Variants in PIEZO2 observed in about 807,000 individuals in gnomAD.
PIEZO2 encodes piezo type mechanosensitive ion channel component 2.
A neutral mutation model predicts 337.3 loss-of-function variants in PIEZO2; 172 were observed. The ratio of observed to expected loss-of-function variants is 0.51; its 90% confidence interval spans 0.45 to 0.58. The LOEUF (loss-of-function observed/expected upper bound fraction) is 0.58, where lower values mean the gene tolerates loss of function less well. Among genes scored for constraint, PIEZO2 ranks in the 20% least tolerant of loss-of-function variants. PIEZO2 has a pLI of 0.00. For missense variants in PIEZO2, 3,028 were observed against 3,391.3 expected, an observed-to-expected ratio of 0.89 and a Z score of 2.66; for synonymous variants, 1,251 against 1,228.5, an observed-to-expected ratio of 1.02 and a Z score of -0.38.
chr18:10,711,760 T>A (rs533491174), intron 39 of PIEZO2, among the ~76,000 whole-genome samples: 21 of 152,352 alleles, frequency 1.4e-4, no homozygotes, highest in Middle Eastern at 3.4e-3. Flanking sequence ...ATACTACGCA[T>A]GTACGTGATC....
chr18:10,878,342 A>G lies in PIEZO2; in HGVS notation c.330-6927T>C, dbSNP rs1366366735. ...GTGCAAAGCACTGTTGAAGAATTAG[A>G]TGAGACACCTACCATAAAGAGCTCT... On this transcript the variant is annotated intron_variant, in intron 4 of 55. Transcript: ENST00000674853. The surrounding 1 kb of genome is among the most constrained non-coding windows in gnomAD (Gnocchi z 4.3). Among the ~76,000 whole-genome samples the G allele has an allele frequency of 6.6e-6, 1 of 152,234 alleles. No homozygotes were observed. Among genetic ancestry groups the G allele is most frequent in the Non-Finnish European group, 1.5e-5 (1 of 68,042 alleles).
chr18:10,719,117 T>C (rs1265881060), intron 36 of PIEZO2, among the ~76,000 whole-genome samples: 1 of 152,152 alleles, frequency 6.6e-6, no homozygotes, highest in Non-Finnish European at 1.5e-5. Context: ...TATTTAAGGC[T>C]AAAAAGGTCA....
At chr18:10,702,500 C>T (rs969443493) in intron 42 of PIEZO2, among the ~76,000 whole-genome samples, 7 of 152,168 alleles carry the variant, frequency 4.6e-5, no homozygotes, top group South Asian at 2.1e-4. Flanking sequence ...GATATAATTA[C>T]GCAGCTATTA....
At position 10,945,204 on chromosome 18, in the gene PIEZO2, A is replaced by G. The variant is rs924105577; in HGVS notation, c.287-33976T>C. ...TTTTAGGTGTTATTTTTTAGAGACA[A>G]GATGTCTCTCTGTCACTCAGGCTGG... On this transcript the variant is annotated intron_variant, in intron 3 of 55. Transcript: ENST00000674853. This position sits in a 1 kb window ranked among gnomAD's most constrained non-coding sequence, Gnocchi z 4.0. 6.6e-6 allele frequency among the ~76,000 whole-genome samples: 1 copy of G among 152,164 alleles called. No individual in the cohort carries two copies. Among genetic ancestry groups the G allele is most frequent in the African/African-American group, 2.4e-5 (1 of 41,424 alleles).
Position 10,878,170 on chromosome 18 carries a change from T to G in PIEZO2, c.330-6755A>C, listed in dbSNP as rs2042318281. Among the ~76,000 whole-genome samples the G allele has an allele frequency of 6.6e-6, 1 of 152,246 alleles. No individual in the cohort carries two copies. The highest frequency in any genetic ancestry group is 1.5e-5 in the Non-Finnish European group (1 of 68,040). ...TTACCAATCTGCCTAACAGAAGCCC[T>G]TGCCTGTTTCATCTGTTTCCCTGGG... On this transcript the variant is annotated intron_variant, in intron 4 of 55. Coordinates refer to ENST00000674853, the MANE Select transcript of PIEZO2 (RefSeq NM_001378183.1). This position sits in a 1 kb window ranked among gnomAD's most constrained non-coding sequence, Gnocchi z 4.3.
At position 10,684,306 on chromosome 18, in the gene PIEZO2, C is replaced by T. The variant is rs1452685388; in HGVS notation, c.7498-2014G>A. ...TCAGCCTCCCAAGTAGCTGGGACTA[C>T]AGGTGCCCGCCACCATGCCTGGCTA... On this transcript the variant is annotated intron_variant, in intron 49 of 55. Transcript: ENST00000674853. Among the ~76,000 whole-genome samples, 5 of 135,568 alleles carry T rather than the reference C, an allele frequency of 3.7e-5. No homozygotes were observed. The East Asian group carries it at 8.7e-4, about 24-fold the overall frequency. The allele number at this position is 135,568 out of a possible 152,430, so 88.9% of individuals were successfully genotyped here. A position where few individuals can be genotyped will look rare whatever the true frequency, so the allele number is the denominator to read the frequency against.
chr18:10,998,531 A>C (rs940349174), intron 2 of PIEZO2, among the ~76,000 whole-genome samples: 32 of 152,164 alleles, frequency 2.1e-4, no homozygotes, highest in Non-Finnish European at 4.6e-4. Flanking sequence ...TTATATAAGA[A>C]ATATGAGTAT....
chr18:10,944,890 A>G (rs1018291780), intron 3 of PIEZO2, among the ~76,000 whole-genome samples: 1 of 152,058 alleles, frequency 6.6e-6, no homozygotes, highest in African/African-American at 2.4e-5. Flanking sequence ...AAGGGGGGAG[A>G]AAAAGAAGCA....
At chr18:10,692,348 T>C (rs1169129912) in intron 47 of PIEZO2, among the ~76,000 whole-genome samples, 2 of 152,232 alleles carry the variant, frequency 1.3e-5, no homozygotes, top group African/African-American at 4.8e-5. Flanking sequence ...AAGAGTTTGG[T>C]ATAATCTTCT....
At position 11,111,862 on chromosome 18, in the gene PIEZO2, C is replaced by T. The variant is rs931355370; in HGVS notation, c.64+36663G>A. 4.6e-5 allele frequency among the ~76,000 whole-genome samples: 7 copies of T among 152,124 alleles called. No individual in the cohort carries two copies. The highest frequency in any genetic ancestry group is 7.2e-5 in the African/African-American group (3 of 41,424). On this transcript the variant is annotated intron_variant, in intron 1 of 55. Coordinates refer to ENST00000674853, the MANE Select transcript of PIEZO2 (RefSeq NM_001378183.1). The surrounding 1 kb of genome is among the most constrained non-coding windows in gnomAD (Gnocchi z 6.2). ...AATATTACTTTTAGATGTAAACAAC[C>T]ATGGATAGATTATAAAGTCAAATAA...
rs771157118 is a variant in PIEZO2 at position 10,857,092 on chromosome 18, A to T, written c.612T>A (p.Leu204=). 1 of 1,537,598 alleles carries T rather than the reference A, an allele frequency of 6.5e-7. No individual in the cohort carries two copies. The highest frequency in any genetic ancestry group is 8.7e-7 in the Non-Finnish European group (1 of 1,146,990). The change falls in exon 6 of 56, where the codon CTT becomes CTA. Residue 204 remains leucine (L), a synonymous_variant. Transcript: ENST00000674853. ...CCTTGAGCTTAGAGGCCACAGAGGC[A>T]AGCCTGCGGAACATTTTTAACTTCG... ...ESTKLKMFRR[L]ASVASKLKEF...
intron 1 of PIEZO2, among the ~76,000 whole-genome samples, chr18:11,118,152 C>T (rs2039938471): frequency 6.6e-6 from 1 of 152,118 alleles, no homozygotes; most frequent in African/African-American, 2.4e-5. Flanking sequence ...TAAATGATTC[C>T]TCAGGGTACA....
rs548311990 is a variant in PIEZO2, at chr18:10,746,860, C to T, written c.4424+1611G>A. On this transcript the variant is annotated intron_variant, in intron 30 of 55. Coordinates refer to ENST00000674853, the MANE Select transcript of PIEZO2 (RefSeq NM_001378183.1). This position sits in a 1 kb window ranked among gnomAD's most constrained non-coding sequence, Gnocchi z 4.2. ...TGGAACTGTAAGAATTGAGTGTATACTGTTTATAGACCACCTACTTTATGG... is the reference window on the plus strand; with the variant it reads ...TGGAACTGTAAGAATTGAGTGTATATTGTTTATAGACCACCTACTTTATGG... Among the ~76,000 whole-genome samples the T allele has an allele frequency of 6.6e-6, 1 of 152,250 alleles. No individual in the cohort carries two copies. Among genetic ancestry groups the T allele is most frequent in the East Asian group, 1.9e-4 (1 of 5,164 alleles).
Position 11,004,950 on chromosome 18 carries a change from A to C in PIEZO2, c.161-25290T>G, listed in dbSNP as rs553620141. On this transcript the variant is annotated intron_variant, in intron 2 of 55. Coordinates refer to ENST00000674853, the MANE Select transcript of PIEZO2 (RefSeq NM_001378183.1). ...GAGTGTCTAGCATGGGGCTTTGCACATAAGATGTGCCATTAAATATTGACT... is the reference window on the plus strand; with the variant it reads ...GAGTGTCTAGCATGGGGCTTTGCACCTAAGATGTGCCATTAAATATTGACT... Among the ~76,000 whole-genome samples, 66 of 152,376 alleles carry C rather than the reference A, an allele frequency of 4.3e-4. No homozygotes were observed. The South Asian group carries it at 0.012, about 27-fold the overall frequency.
chr18:10,796,447 C>G (rs1046776081), intron 12 of PIEZO2, among the ~76,000 whole-genome samples: 1 of 151,996 alleles, frequency 6.6e-6, no homozygotes, highest in Non-Finnish European at 1.5e-5. Context: ...GAATATAACT[C>G]TCACTATCTG....
rs780094057 is a variant in PIEZO2, at chr18:10,780,316, A to C, written c.2534+9T>G. On this transcript the variant is annotated intron_variant, in intron 18 of 55. Coordinates refer to ENST00000674853, the MANE Select transcript of PIEZO2 (RefSeq NM_001378183.1). Reference sequence around the variant, plus strand: ...ACAAAAATAAGAGAGAAAACATTGAAGTACCCACCTATTTATTATTAGATA... The same window carrying C: ...ACAAAAATAAGAGAGAAAACATTGACGTACCCACCTATTTATTATTAGATA... The C allele has an allele frequency of 1.0e-5, 7 of 702,826 alleles. No individual in the cohort carries two copies. In the South Asian group the frequency reaches 1.0e-4, roughly 10 times the overall value. The allele number at this position is 702,826 out of a possible 1,614,324, so 43.5% of individuals were successfully genotyped here. A position where few individuals can be genotyped will look rare whatever the true frequency, so the allele number is the denominator to read the frequency against.
chr18:10,704,812 G>A (rs1376270886), intron 41 of PIEZO2, among the ~76,000 whole-genome samples, 160 bp from the exon 42 acceptor site: 1 of 152,130 alleles, frequency 6.6e-6, no homozygotes, highest in Non-Finnish European at 1.5e-5. Context: ...AGCCTCCTGA[G>A]TACCTGGGAT....
intron 34 of PIEZO2, among the ~76,000 whole-genome samples, chr18:10,736,141 G>C (rs2036984591): frequency 6.6e-6 from 1 of 152,154 alleles, no homozygotes; most frequent in Non-Finnish European, 1.5e-5. Context: ...CAAATCTTTA[G>C]CAATACATAT....
At chr18:10,788,523 A>G (rs1394323904) in intron 15 of PIEZO2, among the ~76,000 whole-genome samples, 3 of 151,912 alleles carry the variant, frequency 2.0e-5, no homozygotes, top group African/African-American at 7.3e-5. Context: ...TTGATCAATA[A>G]TTTTTGGAAA....
Sources: gnomAD v4.1 joint callset for allele counts (sites outside exome capture counted in the v4.1 genomes callset) on GRCh38, gnomAD v4.1.1 for gene constraint, Gnocchi (gnomAD v3.1) non-coding constraint, MANE v1.5 for transcripts, NCBI Gene and HGNC (gene_info 2026-07-23, HGNC 2026-07-21) for gene names.